The following RTTN variants were observed in gnomAD, a reference collection of about 807,000 sequenced individuals.
The protein encoded by RTTN is rotatin.
A neutral mutation model predicts 269.2 loss-of-function variants in RTTN; 182 were observed. That is an observed-to-expected ratio of 0.68 (90% CI 0.60 to 0.76). RTTN has a LOEUF of 0.76. Ranked by LOEUF, RTTN falls within the 30% of genes least tolerant of loss-of-function variation. RTTN has a pLI of 0.00. For synonymous variants in RTTN, 1,006 were observed against 963.5 expected (o/e 1.04, Z -0.82); for missense variants, 2,545 against 2,608.6 (o/e 0.98, Z 0.53).
chr18:70,201,607 CAAAAAAAAAAA>C (rs34966295), intron 4 of RTTN, among the ~76,000 whole-genome samples: 2 of 41,006 alleles, frequency 4.9e-5, no homozygotes, highest in African/African-American at 1.3e-4. Context: ...GACTCCATCT[CAAAAAAAAAAA>C]AAAAAAAAAA....
In RTTN at chr18:70,017,470, G is replaced by A; in HGVS notation, c.6358C>T (p.Pro2120Ser). 6.2e-7 allele frequency: 1 copy of A among 1,613,886 alleles called. No homozygotes were observed. Among genetic ancestry groups the A allele is most frequent in the Non-Finnish European group, 8.5e-7 (1 of 1,179,876 alleles). ...CAAACATTATGAAAGATAAGAAGAGGCAATAAAGGGCTGCTCTTGTGCTTG... is the reference window on the plus strand; with the variant it reads ...CAAACATTATGAAAGATAAGAAGAGACAATAAAGGGCTGCTCTTGTGCTTG... Reference protein sequence around the residue: ...KYKHKSSPLLPLLIFHNVCFS... With the variant: ...KYKHKSSPLLSLLIFHNVCFS... The change falls in exon 46 of 49, where the codon CCT (proline) becomes TCT (serine). Residue 2120 changes from proline (P) to serine (S), a missense_variant. By Grantham distance (74) the Pro-to-Ser change is moderately conservative. Transcript: ENST00000640769.
intron 40 of RTTN, among the ~76,000 whole-genome samples, chr18:70,037,781 C>T (rs2057219775): frequency 6.6e-6 from 1 of 152,198 alleles, no homozygotes; most frequent in African/African-American, 2.4e-5. Context: ...AGCTCAGCCA[C>T]AGTGGGTAGA....
intron 24 of RTTN, 127 bp downstream of exon 24, chr18:70,128,231 C>T: frequency 1.5e-6 from 1 of 671,904 alleles, no homozygotes; most frequent in South Asian, 2.4e-5. Context: ...AAAATTATAA[C>T]TGTTAAAAAG....
Position 70,049,462 on chromosome 18 carries a change from C to T in RTTN, c.5324-1274G>A, listed in dbSNP as rs77072692. ...TGTACTCCATGGTAGACTCAGAACT[C>T]CTACATCCAGAAAATTAACAATTCT... On this transcript the variant is annotated intron_variant, in intron 39 of 48. Transcript: ENST00000640769. 5.6e-3 allele frequency among the ~76,000 whole-genome samples: 850 copies of T among 152,226 alleles called. 4 individuals carry two copies. Among genetic ancestry groups the T allele is most frequent in the African/African-American group, 0.02 (817 of 41,552 alleles).
intron 7 of RTTN, 115 bp downstream of exon 7, chr18:70,196,386 G>A (rs573299210): frequency 1.3e-6 from 1 of 782,130 alleles, no homozygotes; most frequent in South Asian, 2.3e-5. Context: ...TAGGAGTGGG[G>A]AGTTTATGTT....
intron 14 of RTTN, among the ~76,000 whole-genome samples, chr18:70,155,838 A>C (rs930965866): frequency 3.3e-5 from 5 of 152,184 alleles, no homozygotes; most frequent in Non-Finnish European, 5.9e-5. Context: ...ATAATTTCTT[A>C]TGCCTGTCTT....
In RTTN at chr18:70,157,203, G is replaced by A. The variant is rs150420388; in HGVS notation, c.1930-6470C>T. Among the ~76,000 whole-genome samples the A allele has an allele frequency of 9.5e-3, 1,451 of 152,174 alleles. 22 individuals carry two copies. Among genetic ancestry groups the A allele is most frequent in the African/African-American group, 0.033 (1,382 of 41,502 alleles). On this transcript the variant is annotated intron_variant, in intron 14 of 48. Transcript: ENST00000640769. ...CACGCCCCCCCAGAGCACTTTCTCG[G>A]GCAGTCACCATCGGAAAGTTGTTGC...
intron 32 of RTTN, among the ~76,000 whole-genome samples, chr18:70,082,454 A>G (rs2058594692): frequency 6.6e-6 from 1 of 152,158 alleles, no homozygotes; most frequent in African/African-American, 2.4e-5. Context: ...TCTAATCAAT[A>G]GATTTCTTGT....
chr18:70,051,782 A>G (rs1156229019), intron 38 of RTTN, among the ~76,000 whole-genome samples: 1 of 152,078 alleles, frequency 6.6e-6, no homozygotes, highest in Non-Finnish European at 1.5e-5. Flanking sequence ...ACACTCACAA[A>G]CTCTCCTCTT....
At chr18:70,185,015 G>A (rs1298599487) in intron 10 of RTTN, among the ~76,000 whole-genome samples, 3 of 151,918 alleles carry the variant, frequency 2.0e-5, no homozygotes, top group Admixed American at 1.3e-4. Context: ...TAAGTCAGTT[G>A]GGTATTGGCA....
intron 40 of RTTN, among the ~76,000 whole-genome samples, chr18:70,043,901 G>C (rs1434676924): frequency 1.3e-5 from 2 of 152,238 alleles, no homozygotes; most frequent in Non-Finnish European, 2.9e-5. Context: ...GACTGGAAGT[G>C]TGAGGAGCCT....
intron 8 of RTTN, among the ~76,000 whole-genome samples, chr18:70,192,606 A>G (rs2061698521): frequency 6.6e-6 from 1 of 151,344 alleles, no homozygotes. Flanking sequence ...ACTTGAGCCC[A>G]GAAGTCAAGG....
chr18:70,173,298 T>C (rs2061192508), intron 11 of RTTN, among the ~76,000 whole-genome samples: 1 of 151,812 alleles, frequency 6.6e-6, no homozygotes, highest in South Asian at 2.1e-4. Flanking sequence ...ATCGAGACCA[T>C]CCTGGCTAAC....
chr18:70,151,161 C>CTA (rs1355550690), intron 14 of RTTN, among the ~76,000 whole-genome samples: 1 of 147,046 alleles, frequency 6.8e-6, no homozygotes, highest in Non-Finnish European at 1.5e-5. Context: ...TATTTATATT[C>CTA]TATATATATA....
intron 10 of RTTN, among the ~76,000 whole-genome samples, chr18:70,177,183 C>T (rs918563062): frequency 6.6e-6 from 1 of 152,062 alleles, no homozygotes; most frequent in African/African-American, 2.4e-5. Flanking sequence ...CAATTTGGAA[C>T]GTTAACACGC....
At chr18:70,118,460 A>C (rs899541303) in intron 26 of RTTN, among the ~76,000 whole-genome samples, 13 of 146,846 alleles carry the variant, frequency 8.9e-5, no homozygotes, top group Non-Finnish European at 1.5e-4. Flanking sequence ...GTCTTTCACC[A>C]AAAAAAAGCC....
intron 44 of RTTN, among the ~76,000 whole-genome samples, chr18:70,023,683 C>T (rs1044003775): frequency 1.3e-5 from 2 of 152,158 alleles, no homozygotes; most frequent in African/African-American, 4.8e-5. Context: ...TCTCCAGCTA[C>T]CACTCAAGCC....
chr18:70,011,623 G>A (rs2056374525), intron 46 of RTTN, among the ~76,000 whole-genome samples: 1 of 152,182 alleles, frequency 6.6e-6, no homozygotes, highest in Admixed American at 6.5e-5. Flanking sequence ...CAAACCCACA[G>A]CCAATATCAC....
rs1325362860 is a variant in RTTN, at chr18:70,073,964, G to A, written c.4595C>T (p.Ala1532Val). ...TCGATCCTGACTTGTCCTAGATGGA[G>A]CCCTCCAAAACTTGAATGAGTCATC... ...GLDDSFKFWR[A>V]PSRTSQDRDP... Residue 1532 changes from alanine (A) to valine (V), a missense_variant, in exon 34 of 49, where the codon GCT becomes GTT. Transcript: ENST00000640769. 2 of 1,611,638 alleles carry A rather than the reference G, an allele frequency of 1.2e-6. No homozygotes were observed. The highest frequency in any genetic ancestry group is 2.7e-5 in the African/African-American group (2 of 74,788).
Sources: gnomAD v4.1 joint callset for allele counts (sites outside exome capture counted in the v4.1 genomes callset) on GRCh38, gnomAD v4.1.1 for gene constraint, MANE v1.5 for transcripts, NCBI Gene and HGNC (gene_info 2026-07-23, HGNC 2026-07-21) for gene names.